The following ADAMTSL1 variants were observed in gnomAD, a reference collection of about 807,000 sequenced individuals.
ADAMTSL1 encodes ADAMTS like 1.
In ADAMTSL1, 126 loss-of-function variants were observed where a neutral mutation model predicts 201.8. The ratio of observed to expected loss-of-function variants is 0.62; its 90% confidence interval spans 0.54 to 0.72. The LOEUF (loss-of-function observed/expected upper bound fraction) is 0.72, where lower values mean the gene tolerates loss of function less well. ADAMTSL1 is among the 30% of genes least tolerant of loss of function. ADAMTSL1 has a pLI of 0.00. For synonymous variants in ADAMTSL1, 1,121 were observed against 903.4 expected, an observed-to-expected ratio of 1.24 and a Z score of -4.32; for missense variants, 2,679 against 2,277.8, an observed-to-expected ratio of 1.18 and a Z score of -3.59.
intron 2 of ADAMTSL1, among the ~76,000 whole-genome samples, chr9:18,318,421 C>G (rs1272054758): frequency 6.6e-6 from 1 of 152,148 alleles, no homozygotes; most frequent in Admixed American, 6.5e-5. Flanking sequence ...ACACCAGACC[C>G]ACTGAATCAA....
At chr9:18,005,570 G>C (rs1300440307) in intron 1 of ADAMTSL1, among the ~76,000 whole-genome samples, 1 of 151,956 alleles carries the variant, frequency 6.6e-6, no homozygotes, top group Non-Finnish European at 1.5e-5. Context: ...ATCTCTCTTG[G>C]TTTTAAGGAA....
chr9:18,701,341 T>A (rs1587932285), intron 13 of ADAMTSL1, among the ~76,000 whole-genome samples: 3 of 149,386 alleles, frequency 2.0e-5, no homozygotes, highest in African/African-American at 7.4e-5. Context: ...TGCCTCAGCC[T>A]CCTGAATAGC....
chr9:18,313,366 C>G (rs1053986378), intron 2 of ADAMTSL1, among the ~76,000 whole-genome samples: 1 of 152,092 alleles, frequency 6.6e-6, no homozygotes, highest in Non-Finnish European at 1.5e-5. Flanking sequence ...TTACCTCACC[C>G]CAGGTGAGTT....
At chr9:17,908,125 G>A (rs911532972) in intron 1 of ADAMTSL1, among the ~76,000 whole-genome samples, 2 of 152,252 alleles carry the variant, frequency 1.3e-5, no homozygotes, top group African/African-American at 2.4e-5. Flanking sequence ...GGAGCAGCAG[G>A]GATTACTCTC....
intron 14 of ADAMTSL1, among the ~76,000 whole-genome samples, chr9:18,711,461 T>C (rs1040568948): frequency 6.6e-6 from 1 of 152,242 alleles, no homozygotes; most frequent in Non-Finnish European, 1.5e-5. Flanking sequence ...GGAGTTCCCT[T>C]TCCTAGTCAA....
chr9:18,141,487 G>A (rs577414319), intron 1 of ADAMTSL1, among the ~76,000 whole-genome samples: 15 of 152,226 alleles, frequency 9.9e-5, no homozygotes, highest in Non-Finnish European at 1.8e-4. Context: ...ACAAACACAA[G>A]GCTCATAGTT....
intron 14 of ADAMTSL1, chr9:18,718,359 T>A (rs1833098602): frequency 1.4e-6 from 1 of 726,278 alleles, no homozygotes; most frequent in Admixed American, 1.8e-5. Flanking sequence ...TCCTGCAGTA[T>A]CCAAGATTGC....
intron 3 of ADAMTSL1, among the ~76,000 whole-genome samples, chr9:18,564,699 T>C (rs753278444): frequency 5.3e-5 from 8 of 152,218 alleles, no homozygotes; most frequent in Non-Finnish European, 1.2e-4. Context: ...TATGAATTAC[T>C]CCTTCAGATA....
At chr9:18,539,231 C>G (rs555043162) in intron 3 of ADAMTSL1, among the ~76,000 whole-genome samples, 7 of 152,290 alleles carry the variant, frequency 4.6e-5, no homozygotes, top group African/African-American at 1.7e-4. Context: ...AACTCCTGTT[C>G]TGTACTAGGG....
At chr9:18,567,675 C>T (rs921389892) in intron 3 of ADAMTSL1, among the ~76,000 whole-genome samples, 1 of 152,060 alleles carries the variant, frequency 6.6e-6, no homozygotes, top group African/African-American at 2.4e-5. Context: ...CCAAGACCCA[C>T]AGTGGATGTC....
At chr9:17,993,099 A>G (rs1819226749) in intron 1 of ADAMTSL1, among the ~76,000 whole-genome samples, 1 of 152,200 alleles carries the variant, frequency 6.6e-6, no homozygotes, top group African/African-American at 2.4e-5. Context: ...CATTCTTGCT[A>G]GTATGGGATT....
chr9:18,906,865 C>T lies in ADAMTSL1; in HGVS notation c.5135C>T (p.Pro1712Leu), dbSNP rs753663616. 1.9e-6 allele frequency: 3 copies of T among 1,613,860 alleles called. No homozygotes were observed. Among genetic ancestry groups the T allele is most frequent in the Admixed American group, 1.7e-5 (1 of 60,004 alleles). ...AVPEHLCSWG[P>L]RPANWQRCNI... ...CCTGAGCACCTGTGCTCCTGGGGGCCCCGGCCTGCCAACTGGCAGCGCTGC... is the reference window on the plus strand; with the variant it reads ...CCTGAGCACCTGTGCTCCTGGGGGCTCCGGCCTGCCAACTGGCAGCGCTGC... The change falls in exon 28 of 29, where the codon CCC becomes CTC. Residue 1712 changes from proline (P) to leucine (L), a missense_variant. Coordinates refer to ENST00000380548, the MANE Select transcript of ADAMTSL1 (RefSeq NM_001040272.6).
At position 18,080,845 on chromosome 9, in the gene ADAMTSL1, A is replaced by T. The variant is rs112279795; in HGVS notation, c.88-83017A>T. ...CTTCATTCTAGACACAGAAGTGCCCATTTAGACTCATAAAACTTATATTTT... is the reference window on the plus strand; with the variant it reads ...CTTCATTCTAGACACAGAAGTGCCCTTTTAGACTCATAAAACTTATATTTT... On this transcript the variant is annotated intron_variant, in intron 1 of 29. Coordinates refer to the ADAMTSL1 transcript ENST00000680146. 3.2e-3 allele frequency among the ~76,000 whole-genome samples: 485 copies of T among 152,336 alleles called. 1 individual carries two copies. Among genetic ancestry groups the T allele is most frequent in the African/African-American group, 0.011 (463 of 41,568 alleles).
chr9:17,939,562 C>T (rs1478006650), intron 1 of ADAMTSL1, among the ~76,000 whole-genome samples: 3 of 151,992 alleles, frequency 2.0e-5, no homozygotes, highest in African/African-American at 7.3e-5. Context: ...ATATAAAATT[C>T]CACCTCAAGG....
rs143156475 is a variant in ADAMTSL1, at chr9:18,760,015, C to G, written c.2217+6507C>G. ...CACCGTGTCTAACTGCCTTTGGGCT[C>G]CCTCAGTCTCACATGTTTCTAAGTT... On this transcript the variant is annotated intron_variant, in intron 16 of 28. Transcript: ENST00000380548. 2.9e-3 allele frequency among the ~76,000 whole-genome samples: 437 copies of G among 152,234 alleles called. 3 individuals carry two copies. Among genetic ancestry groups the G allele is most frequent in the African/African-American group, 0.01 (418 of 41,532 alleles).
intron 1 of ADAMTSL1, among the ~76,000 whole-genome samples, chr9:18,124,023 G>T: frequency 6.8e-6 from 1 of 145,988 alleles, no homozygotes; most frequent in Admixed American, 6.8e-5. Flanking sequence ...GTTTTGATTT[G>T]CATTTTCCTA....
chr9:18,622,483 C>T (rs750344369), intron 5 of ADAMTSL1, 114 bp downstream of exon 5: 9 of 1,475,802 alleles, frequency 6.1e-6, no homozygotes, highest in South Asian at 1.3e-5. Flanking sequence ...CGATAATGAA[C>T]CTGAAAATGT....
intron 5 of ADAMTSL1, among the ~76,000 whole-genome samples, chr9:18,625,329 A>C (rs914344057): frequency 6.6e-6 from 1 of 152,002 alleles, no homozygotes; most frequent in Non-Finnish European, 1.5e-5. Flanking sequence ...CAAAAACAGG[A>C]AAGTGGAGAA....
intron 1 of ADAMTSL1, among the ~76,000 whole-genome samples, chr9:17,907,693 T>C (rs1419220587): frequency 5.3e-5 from 8 of 152,180 alleles, no homozygotes; most frequent in Non-Finnish European, 1.2e-4. Flanking sequence ...CTGGTAGTGG[T>C]TTATTATCAC....
Sources: gnomAD v4.1 joint callset for allele counts (sites outside exome capture counted in the v4.1 genomes callset) on GRCh38, gnomAD v4.1.1 for gene constraint, MANE v1.5 for transcripts, NCBI Gene and HGNC (gene_info 2026-07-23, HGNC 2026-07-21) for gene names.